CC2D2B: variants seen among roughly 807,000 people sequenced by gnomAD.
The protein encoded by CC2D2B is protein CC2D2B.
CC2D2B carries 128 observed loss-of-function variants against 161.2 expected under a neutral mutation model. The observed-to-expected ratio is 0.79, with a 90% CI of 0.69 to 0.92. CC2D2B has a LOEUF of 0.92. Ranked by LOEUF, CC2D2B falls within the 40% of genes least tolerant of loss-of-function variation. The pLI is 0.00. For missense variants in CC2D2B, 1,173 were observed against 1,375.1 expected, an observed-to-expected ratio of 0.85 and a Z score of 2.32; for synonymous variants, 391 against 449.8, an observed-to-expected ratio of 0.87 and a Z score of 1.65.
chr10:95,922,954 A>T (rs1000066435), intron 3 of CC2D2B, among the ~76,000 whole-genome samples: 4 of 142,582 alleles, frequency 2.8e-5, no homozygotes, highest in African/African-American at 7.8e-5. Context: ...CATGTATGTT[A>T]TTTTTTTTTT....
At chr10:96,030,941 G>A (rs1590960886) in intron 34 of CC2D2B, among the ~76,000 whole-genome samples, 1 of 152,286 alleles carries the variant, frequency 6.6e-6, no homozygotes, top group South Asian at 2.1e-4. Flanking sequence ...TAGGGCAAGT[G>A]ACCGAATCTC....
In CC2D2B at chr10:96,032,567, C is replaced by A; in HGVS notation, c.*559C>A. ...AAGGCTGGTACGTTTGATGCTGGGTCTGATACAATTTCAGATGGAAGCTGC... is the reference window on the plus strand; with the variant it reads ...AAGGCTGGTACGTTTGATGCTGGGTATGATACAATTTCAGATGGAAGCTGC... On this transcript the variant is annotated 3_prime_UTR_variant, in exon 35 of 35. Coordinates refer to ENST00000646931, the MANE Select transcript of CC2D2B (RefSeq NM_001349008.3). 3.1e-6 allele frequency: 1 copy of A among 317,696 alleles called. No individual in the cohort carries two copies. The highest frequency in any genetic ancestry group is 6.3e-6 in the Non-Finnish European group (1 of 158,922). The allele number at this position is 317,696 out of a possible 1,614,324, so 19.7% of individuals were successfully genotyped here.
chr10:96,028,349 A>T (rs773352766), intron 34 of CC2D2B, among the ~76,000 whole-genome samples: 3 of 152,230 alleles, frequency 2.0e-5, no homozygotes, highest in Non-Finnish European at 4.4e-5. Flanking sequence ...GAAGACATAC[A>T]ATTGACAAAC....
intron 17 of CC2D2B, among the ~76,000 whole-genome samples, chr10:95,980,414 TTTGTTG>T (rs143673703): frequency 3.9e-5 from 6 of 151,994 alleles, no homozygotes; most frequent in South Asian, 2.1e-4. Context: ...TTCTTTGTTG[TTTGTTG>T]TTGTTGTTGT....
At position 95,924,823 on chromosome 10, in the gene CC2D2B, C is replaced by T. The variant is rs556456249; in HGVS notation, c.219C>T (p.Ser73=). The T allele has an allele frequency of 1.4e-4, 221 of 1,545,062 alleles. No individual in the cohort carries two copies. In the Admixed American group the frequency reaches 1.9e-3, roughly 13 times the overall value. ...EKSSTEQLID[S]EIHQRSKLSP... Reference sequence around the variant, plus strand: ...CTTCAACTGAGCAGCTCATTGATAGCGAAATACATCAAAGGTCCAAGGTGA... The same window carrying T: ...CTTCAACTGAGCAGCTCATTGATAGTGAAATACATCAAAGGTCCAAGGTGA... The change falls in exon 5 of 35, where the codon AGC becomes AGT. Residue 73 remains serine (S), a synonymous_variant. Transcript: ENST00000646931.
At chr10:95,913,287 G>GATCTC (rs1262380729) in intron 2 of CC2D2B, 1 of 183,252 alleles carries the variant, frequency 5.5e-6, no homozygotes, top group African/African-American at 2.4e-5. Context: ...CAAGTGATAG[G>GATCTC]ATCTCATTCT....
At position 96,019,757 on chromosome 10, in the gene CC2D2B, C is replaced by T; in HGVS notation, c.3821C>T (p.Ser1274Leu). The T allele has an allele frequency of 6.2e-7, 1 of 1,602,740 alleles. No homozygotes were observed. The highest frequency in any genetic ancestry group is 1.1e-5 in the South Asian group (1 of 88,282). ...CCAATGGCTGTATTTTTTGACTATT[C>T]AAAGGAAAGTTTCTGGAAGCAGTTG... Reference protein sequence around the residue: ...NTPMAVFFDYSKESFWKQLLP... With the variant: ...NTPMAVFFDYLKESFWKQLLP... The change falls in exon 32 of 35, where the codon TCA becomes TTA. Residue 1274 changes from serine to leucine, a missense_variant. Around this residue, in one of 3 missense-constraint regions of CC2D2B, gnomAD observed 598 missense variants for 693.2 expected, o/e 0.86. Coordinates refer to ENST00000646931, the MANE Select transcript of CC2D2B (RefSeq NM_001349008.3).
At chr10:95,937,117 C>T (rs1461397209) in intron 6 of CC2D2B, among the ~76,000 whole-genome samples, 1 of 152,066 alleles carries the variant, frequency 6.6e-6, no homozygotes, top group Non-Finnish European at 1.5e-5. Flanking sequence ...TTTATATGAA[C>T]CTAGTGGATG....
At chr10:96,001,511 C>T (rs148746645) in intron 24 of CC2D2B, among the ~76,000 whole-genome samples, 4 of 152,126 alleles carry the variant, frequency 2.6e-5, no homozygotes, top group East Asian at 1.9e-4. Context: ...TCAGAAGAAC[C>T]GATATAATCA....
rs549345251 is a variant in CC2D2B, at chr10:95,964,491, T to A, written c.1251-1405T>A. ...AAGAACAGCAAGTTTACTGATGTCG[T>A]ATTGATTGCCCTGAATCCGAAGAAA... On this transcript the variant is annotated intron_variant, in intron 12 of 34. Transcript: ENST00000646931. Among the ~76,000 whole-genome samples, 547 of 152,274 alleles carry A rather than the reference T, an allele frequency of 3.6e-3. 3 individuals carry two copies. The highest frequency in any genetic ancestry group is 5.4e-3 in the Non-Finnish European group (369 of 68,012).
In CC2D2B at chr10:96,004,159, G is replaced by C. The variant is rs1444664819; in HGVS notation, c.2857G>C (p.Gly953Arg). Reference protein sequence around the residue: ...EEIKVDFVSPGHDYSFSSLSK... With the variant: ...EEIKVDFVSPRHDYSFSSLSK... ...TATTTTTCTTATTTGCAGCTCACCA[G>C]GACATGATTATAGCTTCTCAAGCTT... The change falls in exon 25 of 35, where the codon GGA becomes CGA. Residue 953 changes from glycine to arginine, a missense_variant. Around this residue, in one of 3 missense-constraint regions of CC2D2B, gnomAD observed 598 missense variants for 693.2 expected, o/e 0.86. Transcript: ENST00000646931. The C allele has an allele frequency of 6.5e-7, 1 of 1,531,458 alleles. No homozygotes were observed. The highest frequency in any genetic ancestry group is 8.8e-7 in the Non-Finnish European group (1 of 1,141,312). The allele number at this position is 1,531,458 out of a possible 1,614,324, so 94.9% of individuals were successfully genotyped here.
At position 95,966,219 on chromosome 10, in the gene CC2D2B, A is replaced by G; in HGVS notation, c.1383A>G (p.Thr461=). Residue 461 remains threonine (T), a synonymous_variant, in exon 14 of 35, where the codon ACA becomes ACG. Coordinates refer to ENST00000646931, the MANE Select transcript of CC2D2B (RefSeq NM_001349008.3). ...ESLSYLASDE[T]EIERIKPITL... ...TCTCATATCTAGCTTCAGACGAAAC[A>G]GAAATTGAAAGAATAAAGCCAATTA... 8.2e-7 allele frequency: 1 copy of G among 1,226,294 alleles called. No individual in the cohort carries two copies. The highest frequency in any genetic ancestry group is 4.1e-5 in the South Asian group (1 of 24,242). The allele number at this position is 1,226,294 out of a possible 1,614,324, so 76.0% of individuals were successfully genotyped here.
At chr10:96,001,632 G>T (rs1590829623) in intron 24 of CC2D2B, among the ~76,000 whole-genome samples, 6 of 152,280 alleles carry the variant, frequency 3.9e-5, no homozygotes, top group African/African-American at 1.4e-4. Context: ...AGGAAAGGGA[G>T]ACCCTGTTTA....
In CC2D2B at chr10:95,983,657, T is replaced by A. The variant is rs2077614520; in HGVS notation, c.2134T>A (p.Leu712Met). 8.1e-7 allele frequency: 1 copy of A among 1,231,618 alleles called. No homozygotes were observed. The highest frequency in any genetic ancestry group is 1.6e-5 in the African/African-American group (1 of 64,400). 76.3% of individuals were successfully genotyped at this position (1,231,618 alleles called of 1,614,324 possible). The change falls in exon 19 of 35, where the codon TTG becomes ATG. Residue 712 changes from leucine to methionine, a missense_variant. Physicochemically the swap from Leu to Met is conservative, Grantham distance 15. Coordinates refer to ENST00000646931, the MANE Select transcript of CC2D2B (RefSeq NM_001349008.3). ...DIPKYFRLEQ[L>M]QDEFNFVSEE... ...TCCAAAGTATTTTCGTCTTGAACAG[T>A]TGCAAGATGAATTTAACTTCGTTTC...
At chr10:96,019,366 G>C (rs1218059414) in intron 31 of CC2D2B, 29 bp downstream of exon 31, 1 of 1,589,896 alleles carries the variant, frequency 6.3e-7, no homozygotes, top group South Asian at 1.1e-5. Flanking sequence ...AAAATCTTGA[G>C]TTATCTCCTC....
chr10:95,929,995 A>AT (rs2098546956), intron 6 of CC2D2B, among the ~76,000 whole-genome samples: 1 of 152,162 alleles, frequency 6.6e-6, no homozygotes, highest in African/African-American at 2.4e-5. Flanking sequence ...CAGTATGGCC[A>AT]TTTTCACGAT....
At chr10:95,925,366 A>G (rs2098536566) in intron 5 of CC2D2B, among the ~76,000 whole-genome samples, 1 of 152,224 alleles carries the variant, frequency 6.6e-6, no homozygotes, top group Non-Finnish European at 1.5e-5. Context: ...GGATAGGACC[A>G]TTCACACTGA....
intron 6 of CC2D2B, among the ~76,000 whole-genome samples, chr10:95,930,113 C>A (rs375839411): frequency 6.6e-6 from 1 of 152,204 alleles, no homozygotes; most frequent in South Asian, 2.1e-4. Context: ...TGCTTCACAT[C>A]CCTTATAAGT....
At chr10:95,923,986 A>C (rs1473937157) in intron 3 of CC2D2B, among the ~76,000 whole-genome samples, 1 of 152,144 alleles carries the variant, frequency 6.6e-6, no homozygotes. Flanking sequence ...GTGTCACTGC[A>C]CTCCAGCCTG....
Sources: allele counts gnomAD v4.1 joint callset (sites outside exome capture counted in the v4.1 genomes callset), GRCh38; gene constraint gnomAD v4.1.1; regional missense constraint gnomAD v4.1.1; transcripts MANE v1.5; gene names NCBI Gene and HGNC (gene_info 2026-07-23, HGNC 2026-07-21).